CLIC4: variants seen among roughly 807,000 people sequenced by gnomAD.
CLIC4 encodes chloride intracellular channel protein 4.
CLIC4 carries 13 observed loss-of-function variants against 24.6 expected under a neutral mutation model. The ratio of observed to expected loss-of-function variants is 0.53; its 90% CI spans 0.34 to 0.84. The LOEUF (loss-of-function observed/expected upper bound fraction) is 0.84. Ranked by LOEUF, CLIC4 falls within the 40% of genes least tolerant of loss-of-function variation. The pLI, the probability that CLIC4 is intolerant of heterozygous loss-of-function variation, is 0.01. For missense variants in CLIC4, 227 were observed against 301.7 expected, an observed-to-expected ratio of 0.75 and a Z score of 1.83; for synonymous variants, 104 against 111.3, an observed-to-expected ratio of 0.93 and a Z score of 0.41.
chr1:24,825,265 A>G (rs1639776678), intron 3 of CLIC4, among the ~76,000 whole-genome samples: 1 of 152,172 alleles, frequency 6.6e-6, no homozygotes, highest in African/African-American at 2.4e-5. Flanking sequence ...GAAGACATAG[A>G]TGTATTGAAA....
intron 4 of CLIC4, among the ~76,000 whole-genome samples, chr1:24,828,420 G>A (rs1639808485): frequency 6.6e-6 from 1 of 152,048 alleles, no homozygotes; most frequent in Non-Finnish European, 1.5e-5. Flanking sequence ...CATTAAGCAA[G>A]TGGTTATGTT....
intron 3 of CLIC4, among the ~76,000 whole-genome samples, chr1:24,824,278 T>G (rs887712299): frequency 6.6e-6 from 1 of 152,322 alleles, no homozygotes; most frequent in African/African-American, 2.4e-5. Context: ...GTCAATACTT[T>G]TTTTTTTTGA....
chr1:24,750,067 A>G (rs1053311945), intron 1 of CLIC4, among the ~76,000 whole-genome samples: 5 of 151,832 alleles, frequency 3.3e-5, no homozygotes, highest in South Asian at 4.2e-4. Flanking sequence ...CTTGGGTGAG[A>G]CCCTATCTCT....
chr1:24,745,941 G>A (rs1016850459), intron 1 of CLIC4, among the ~76,000 whole-genome samples: 1 of 150,422 alleles, frequency 6.6e-6, no homozygotes, highest in African/African-American at 2.4e-5. Context: ...CCTGCCCCGG[G>A]GCCCCAGCGC....
chr1:24,806,006 A>G (rs532693294), intron 2 of CLIC4, among the ~76,000 whole-genome samples: 72 of 152,364 alleles, frequency 4.7e-4, no homozygotes, highest in African/African-American at 1.7e-3. Context: ...ACCCCAAAAC[A>G]CTGGAGAATA....
Position 24,818,589 on chromosome 1 carries a change from G to A in CLIC4, c.308+4370G>A, listed in dbSNP as rs374855590. Among the ~76,000 whole-genome samples the A allele has an allele frequency of 2.4e-4, 36 of 152,190 alleles. No individual in the cohort carries two copies. The East Asian group carries it at 2.7e-3, about 11-fold the overall frequency. On this transcript the variant is annotated intron_variant, in intron 3 of 5. Transcript: ENST00000374379. ...GGTGTGAGCCACTGTACCTGGCCCA[G>A]TTACTCAGTATTCATCCATTCATTT...
intron 2 of CLIC4, among the ~76,000 whole-genome samples, chr1:24,807,660 G>C (rs1421409551): frequency 6.6e-6 from 1 of 152,176 alleles, no homozygotes; most frequent in African/African-American, 2.4e-5. Flanking sequence ...GTCACTTTAT[G>C]AGGAAGTTAA....
chr1:24,822,341 C>CTTTTTTTT (rs71032865), intron 3 of CLIC4, among the ~76,000 whole-genome samples: 1 of 75,464 alleles, frequency 1.3e-5, no homozygotes. Flanking sequence ...TCAGTGAATT[C>CTTTTTTTT]TTTTTTTTTT....
At position 24,778,785 on chromosome 1, in the gene CLIC4, A is replaced by G. The variant is rs190782202; in HGVS notation, c.73-18957A>G. 1.5e-3 allele frequency among the ~76,000 whole-genome samples: 226 copies of G among 152,350 alleles called. 2 individuals are homozygous for G. Among genetic ancestry groups the G allele is most frequent in the Non-Finnish European group, 2.7e-3 (186 of 68,038 alleles). ...TTCATCATGGGTCTATTGTGCCTAG[A>G]TGGAAAGTCTGGTCATTGTACATCT... is the stretch of plus-strand genomic sequence containing the variant. On this transcript the variant is annotated intron_variant, in intron 1 of 5. Coordinates refer to ENST00000374379, the MANE Select transcript of CLIC4 (RefSeq NM_013943.3).
intron 1 of CLIC4, among the ~76,000 whole-genome samples, chr1:24,791,292 T>G (rs2124124339): frequency 6.6e-6 from 1 of 152,332 alleles, no homozygotes; most frequent in East Asian, 1.9e-4. Flanking sequence ...TGCTTTCCAT[T>G]GTATCACAAT....
In CLIC4 at chr1:24,841,818, G is replaced by A. The variant is rs1639946685; in HGVS notation, c.*881G>A. The A allele has an allele frequency of 6.6e-6, 1 of 152,542 alleles. No individual in the cohort carries two copies. Among genetic ancestry groups the A allele is most frequent in the South Asian group, 2.1e-4 (1 of 4,818 alleles). The allele number at this position is 152,542 out of a possible 1,614,324, so 9.4% of individuals were successfully genotyped here. On this transcript the variant is annotated 3_prime_UTR_variant, in exon 6 of 6. Transcript: ENST00000374379. ...CATAGAGCTTGCTATTTGTACATCTGTTGAGCAACACTACATAACTGATTT... is the reference window on the plus strand; with the variant it reads ...CATAGAGCTTGCTATTTGTACATCTATTGAGCAACACTACATAACTGATTT...
At chr1:24,755,662 GT>G (rs1344826609) in intron 1 of CLIC4, among the ~76,000 whole-genome samples, 6 of 150,424 alleles carry the variant, frequency 4.0e-5, no homozygotes, top group Non-Finnish European at 8.9e-5. Context: ...TATGGTTTCT[GT>G]TTTTTCCTTT....
chr1:24,798,400 C>T (rs913202033), intron 2 of CLIC4, among the ~76,000 whole-genome samples: 7 of 152,140 alleles, frequency 4.6e-5, no homozygotes, highest in South Asian at 4.2e-4. Flanking sequence ...ATCTGTGGCC[C>T]GGTGTCTGTT....
chr1:24,759,781 G>T (rs749733581), intron 1 of CLIC4, among the ~76,000 whole-genome samples: 1 of 151,946 alleles, frequency 6.6e-6, no homozygotes, highest in Non-Finnish European at 1.5e-5. Flanking sequence ...AAACCCCATC[G>T]TTTTGTGTTT....
intron 2 of CLIC4, among the ~76,000 whole-genome samples, chr1:24,801,060 T>TA (rs56969553): frequency 9.3e-6 from 1 of 108,064 alleles, no homozygotes; most frequent in Non-Finnish European, 2.2e-5. Context: ...GAATTATCAA[T>TA]AAAAAAATAA....
At chr1:24,768,232 G>A (rs1639026894) in intron 1 of CLIC4, among the ~76,000 whole-genome samples, 1 of 152,114 alleles carries the variant, frequency 6.6e-6, no homozygotes, top group South Asian at 2.1e-4. Context: ...TTGTGGTGGC[G>A]TCCCAAAGTG....
chr1:24,801,177 T>G (rs1045672240), intron 2 of CLIC4, among the ~76,000 whole-genome samples: 3 of 152,220 alleles, frequency 2.0e-5, no homozygotes, highest in Admixed American at 2.0e-4. Context: ...TATACTGATT[T>G]TTAAAACTAT....
At chr1:24,808,329 T>A (rs189984921) in intron 2 of CLIC4, among the ~76,000 whole-genome samples, 4 of 152,306 alleles carry the variant, frequency 2.6e-5, no homozygotes, top group Admixed American at 2.6e-4. Flanking sequence ...AAGTTTCTTA[T>A]ATAAAATGGA....
chr1:24,786,457 G>A (rs1639268671), intron 1 of CLIC4, among the ~76,000 whole-genome samples: 1 of 152,160 alleles, frequency 6.6e-6, no homozygotes, highest in Non-Finnish European at 1.5e-5. Flanking sequence ...AGAGGGTGAG[G>A]CTAGTGAGGA....
Sources: gnomAD v4.1 joint callset for allele counts (sites outside exome capture counted in the v4.1 genomes callset) on GRCh38, gnomAD v4.1.1 for gene constraint, MANE v1.5 for transcripts, NCBI Gene and HGNC (gene_info 2026-07-23, HGNC 2026-07-21) for gene names.